ZFPM2: variants seen among roughly 807,000 people sequenced by gnomAD.
ZFPM2 encodes the protein zinc finger protein ZFPM2.
A neutral mutation model predicts 98.6 loss-of-function variants in ZFPM2; 20 were observed. That is an observed-to-expected ratio of 0.20 (90% CI 0.14 to 0.29). The LOEUF (loss-of-function observed/expected upper bound fraction) is 0.29. ZFPM2 is among the 10% of genes least tolerant of loss of function. ZFPM2 has a pLI of 1.00. For missense variants in ZFPM2, 1,310 were observed against 1,388.6 expected, an observed-to-expected ratio of 0.94 and a Z score of 0.90; for synonymous variants, 518 against 502.7, an observed-to-expected ratio of 1.03 and a Z score of -0.41.
intron 6 of ZFPM2, among the ~76,000 whole-genome samples, chr8:105,795,220 C>A (rs189025410): frequency 1.2e-3 from 188 of 151,308 alleles, no homozygotes; most frequent in African/African-American, 4.3e-3. Flanking sequence ...ATTCGGCCAT[C>A]TTGGCTCCTC....
chr8:105,626,364 A>G (rs1180618204), intron 4 of ZFPM2, among the ~76,000 whole-genome samples: 2 of 152,144 alleles, frequency 1.3e-5, no homozygotes, highest in Non-Finnish European at 1.5e-5. Context: ...GAGATTTCAC[A>G]TAGTTAAAAG....
chr8:105,654,679 A>G lies in ZFPM2; in HGVS notation c.532+20322A>G, dbSNP rs546009355. ...TGAAACTGTGACCTAGAAGCCTAAA[A>G]TCAAACCTTGGTCATTCTATTCAAG... On this transcript the variant is annotated intron_variant, in intron 5 of 7. Coordinates refer to ENST00000407775, the MANE Select transcript of ZFPM2 (RefSeq NM_012082.4). Among the ~76,000 whole-genome samples, 43 of 152,284 alleles carry G rather than the reference A, an allele frequency of 2.8e-4. No homozygotes were observed. In the South Asian group the frequency reaches 8.1e-3, roughly 29 times the overall value.
At chr8:105,676,301 A>G (rs987156861) in intron 5 of ZFPM2, among the ~76,000 whole-genome samples, 2 of 152,196 alleles carry the variant, frequency 1.3e-5, no homozygotes, top group Non-Finnish European at 2.9e-5. Flanking sequence ...TGACTTTGGC[A>G]TATTGTTTGT....
At chr8:105,336,495 T>A (rs1812327211) in intron 1 of ZFPM2, among the ~76,000 whole-genome samples, 1 of 151,764 alleles carries the variant, frequency 6.6e-6, no homozygotes, top group Admixed American at 6.6e-5. Context: ...AAGTATTTTT[T>A]GGTAAATATT....
rs566749847 is a variant in ZFPM2 at position 105,574,657 on chromosome 8, C to T, written c.420+13176C>T. ...GTTTTGGAAGAGCAGAGGCACGTCA[C>T]GTGCCTTAAGTTTTAGCTTTTATTA... On this transcript the variant is annotated intron_variant, in intron 4 of 7. Transcript: ENST00000407775. Among the ~76,000 whole-genome samples, 70 of 152,172 alleles carry T rather than the reference C, an allele frequency of 4.6e-4. 1 individual carries two copies. The highest frequency in any genetic ancestry group is 1.2e-3 in the Admixed American group (18 of 15,266).
chr8:105,741,568 A>T (rs1423560095), intron 5 of ZFPM2, among the ~76,000 whole-genome samples: 1 of 152,102 alleles, frequency 6.6e-6, no homozygotes, highest in Non-Finnish European at 1.5e-5. Flanking sequence ...GGCAGAGTAG[A>T]TGGACACAGG....
At chr8:105,371,478 T>G (rs760256520) in intron 1 of ZFPM2, among the ~76,000 whole-genome samples, 1 of 152,042 alleles carries the variant, frequency 6.6e-6, no homozygotes, top group Non-Finnish European at 1.5e-5. Flanking sequence ...GTAAACTTAG[T>G]GGAAGGAAAC....
At chr8:105,520,544 A>T (rs184373931) in intron 3 of ZFPM2, among the ~76,000 whole-genome samples, 5 of 152,268 alleles carry the variant, frequency 3.3e-5, no homozygotes, top group Admixed American at 2.6e-4. Context: ...ACGCTCACAC[A>T]CATATTTATA....
intron 5 of ZFPM2, among the ~76,000 whole-genome samples, chr8:105,674,569 A>T (rs1817653928): frequency 6.6e-6 from 1 of 152,182 alleles, no homozygotes; most frequent in African/African-American, 2.4e-5. Flanking sequence ...GTACCTTGGC[A>T]TCATATTTTT....
intron 3 of ZFPM2, among the ~76,000 whole-genome samples, chr8:105,530,533 C>T (rs1050429368): frequency 2.0e-5 from 3 of 152,188 alleles, no homozygotes; most frequent in South Asian, 2.1e-4. Flanking sequence ...TGCAAATGGC[C>T]GCCTTCTTGC....
intron 3 of ZFPM2, among the ~76,000 whole-genome samples, chr8:105,547,568 A>AAAT (rs1554616003): frequency 1.4e-5 from 2 of 144,174 alleles, no homozygotes; most frequent in East Asian, 2.0e-4. Context: ...AAAAAAAAAA[A>AAAT]AGAAATCAGA....
chr8:105,429,317 A>G (rs1457182645), intron 2 of ZFPM2, among the ~76,000 whole-genome samples: 4 of 151,960 alleles, frequency 2.6e-5, no homozygotes, highest in Non-Finnish European at 1.5e-5. Context: ...ATGTGGCCGT[A>G]TGTGATCATG....
chr8:105,802,833 G>A lies in ZFPM2; in HGVS notation c.2751G>A (p.Glu917=), dbSNP rs1303296560. Residue 917 remains glutamate, a synonymous_variant, in exon 8 of 8, where the codon GAG becomes GAA. Coordinates refer to ENST00000407775, the MANE Select transcript of ZFPM2 (RefSeq NM_012082.4). ...VSYERSIIKC[E]KNGNLKQPSP... ...ACGAAAGAAGCATAATAAAATGTGA[G>A]AAAAATGGGAATTTGAAGCAGCCTT... 6.2e-7 allele frequency: 1 copy of A among 1,613,552 alleles called. No homozygotes were observed. Among genetic ancestry groups the A allele is most frequent in the Non-Finnish European group, 8.5e-7 (1 of 1,179,836 alleles).
intron 6 of ZFPM2, among the ~76,000 whole-genome samples, chr8:105,794,074 C>A (rs191141951): frequency 1.3e-5 from 2 of 152,208 alleles, no homozygotes; most frequent in African/African-American, 4.8e-5. Flanking sequence ...TCTCTCAACT[C>A]GTCGAAGTCC....
intron 3 of ZFPM2, among the ~76,000 whole-genome samples, chr8:105,470,845 T>C (rs1438160031): frequency 6.6e-6 from 1 of 152,176 alleles, no homozygotes; most frequent in Non-Finnish European, 1.5e-5. Context: ...TTATGTTCCC[T>C]ATTCTTAATT....
At chr8:105,405,812 G>T (rs899047360) in intron 1 of ZFPM2, among the ~76,000 whole-genome samples, 1 of 152,076 alleles carries the variant, frequency 6.6e-6, no homozygotes, top group African/African-American at 2.4e-5. Context: ...GGATGGCTGG[G>T]TCAAATGGTA....
At chr8:105,573,365 G>A (rs1011007750) in intron 4 of ZFPM2, among the ~76,000 whole-genome samples, 1 of 152,186 alleles carries the variant, frequency 6.6e-6, no homozygotes, top group East Asian at 1.9e-4. Context: ...CCAACTCAGA[G>A]GCTGTCTGCC....
chr8:105,440,139 T>G (rs1010426283), intron 2 of ZFPM2, among the ~76,000 whole-genome samples: 3 of 152,224 alleles, frequency 2.0e-5, no homozygotes, highest in African/African-American at 7.2e-5. Flanking sequence ...ATCACTTAAA[T>G]ACTCCTCTAG....
At chr8:105,701,560 T>C (rs1253278658) in intron 5 of ZFPM2, among the ~76,000 whole-genome samples, 1 of 152,210 alleles carries the variant, frequency 6.6e-6, no homozygotes, top group Non-Finnish European at 1.5e-5. Flanking sequence ...CTAATAAATC[T>C]GCTAAACAAA....
Sources: gnomAD v4.1 joint callset for allele counts (sites outside exome capture counted in the v4.1 genomes callset) on GRCh38, gnomAD v4.1.1 for gene constraint, MANE v1.5 for transcripts, NCBI Gene and HGNC (gene_info 2026-07-23, HGNC 2026-07-21) for gene names.